The following RBFOX2 variants were observed in gnomAD, a reference collection of about 807,000 sequenced individuals.
RBFOX2 encodes the protein RNA binding fox-1 homolog 2, also known as RNA binding protein fox-1 homolog 2.
Under a neutral mutation model 49.1 loss-of-function variants are expected in RBFOX2, and 10 were observed. The ratio of observed to expected loss-of-function variants is 0.20; its 90% CI spans 0.13 to 0.35. The LOEUF (loss-of-function observed/expected upper bound fraction) is 0.35. Ranked by LOEUF, RBFOX2 falls within the 10% of genes least tolerant of loss-of-function variation. The pLI, the probability that RBFOX2 is intolerant of heterozygous loss-of-function variation, is 1.00. For missense variants in RBFOX2, 323 were observed against 486.9 expected, an observed-to-expected ratio of 0.66 and a Z score of 3.17; for synonymous variants, 183 against 187.4, an observed-to-expected ratio of 0.98 and a Z score of 0.19.
intron 4 of RBFOX2, among the ~76,000 whole-genome samples, chr22:35,770,762 A>G (rs1033851465): frequency 6.6e-6 from 1 of 152,196 alleles, no homozygotes; most frequent in Admixed American, 6.5e-5. Flanking sequence ...GAGCACTGCA[A>G]TTTCACAGTC....
At chr22:35,756,963 G>A (rs1037436811) in intron 9 of RBFOX2, among the ~76,000 whole-genome samples, 11 of 152,024 alleles carry the variant, frequency 7.2e-5, no homozygotes, top group African/African-American at 2.7e-4. Flanking sequence ...GAATTGAAAG[G>A]TGCAGTGGGG....
intron 1 of RBFOX2, chr22:35,897,819 A>G (rs2048047431): frequency 2.7e-6 from 2 of 748,146 alleles, no homozygotes; most frequent in African/African-American, 1.7e-5. Flanking sequence ...TGGCTTCTGG[A>G]AATGTGTCTC....
upstream of RBFOX2, among the ~76,000 whole-genome samples, chr22:35,841,809 A>G (rs113077240): frequency 1.8e-3 from 268 of 152,336 alleles, no homozygotes; most frequent in African/African-American, 6.3e-3. Flanking sequence ...AGAAATCTAA[A>G]TTCAAAATAA....
At chr22:35,904,785 A>G (rs2048947057) in intron 1 of RBFOX2, among the ~76,000 whole-genome samples, 1 of 152,182 alleles carries the variant, frequency 6.6e-6, no homozygotes, top group Non-Finnish European at 1.5e-5. Flanking sequence ...AGTTAACTAG[A>G]GTCTAGAACT....
chr22:35,777,646 C>T (rs1022378810), intron 4 of RBFOX2: 2 of 184,338 alleles, frequency 1.1e-5, no homozygotes, highest in African/African-American at 2.4e-5. Flanking sequence ...TTGAATTGTT[C>T]TGATAGAATT....
At chr22:35,946,522 G>A (rs1242244175) in intron 1 of RBFOX2, among the ~76,000 whole-genome samples, 2 of 152,134 alleles carry the variant, frequency 1.3e-5, no homozygotes, top group African/African-American at 4.8e-5. Flanking sequence ...CGCTTATCTG[G>A]CACAATATTT....
At chr22:35,872,182 T>C (rs1156320454) in intron 1 of RBFOX2, among the ~76,000 whole-genome samples, 1 of 152,172 alleles carries the variant, frequency 6.6e-6, no homozygotes, top group Non-Finnish European at 1.5e-5. Context: ...TGTAAAATGC[T>C]TGGTATTGAA....
chr22:35,999,986 TATA>T (rs1569521278), intron 1 of RBFOX2: 1 of 107,002 alleles, frequency 9.3e-6, no homozygotes, highest in Non-Finnish European at 2.0e-5. Flanking sequence ...ATAAAAGTTA[TATA>T]TATATATATA....
chr22:35,751,058 T>C (rs1318826950), intron 9 of RBFOX2, among the ~76,000 whole-genome samples: 1 of 151,752 alleles, frequency 6.6e-6, no homozygotes, highest in African/African-American at 2.4e-5. Context: ...GACCACATGA[T>C]CTTTCGGCAC....
intron 6 of RBFOX2, among the ~76,000 whole-genome samples, chr22:35,763,886 A>G (rs1052499535): frequency 1.3e-5 from 2 of 152,216 alleles, no homozygotes; most frequent in African/African-American, 4.8e-5. Context: ...TCACGGAGTA[A>G]ATAAAGAGTC....
chr22:35,806,048 C>T (rs1009025735), intron 2 of RBFOX2, among the ~76,000 whole-genome samples: 1 of 152,104 alleles, frequency 6.6e-6, no homozygotes, highest in African/African-American at 2.4e-5. Flanking sequence ...TTTTGTGATG[C>T]TATAATGCTG....
At chr22:35,840,629 T>TGC (rs1026285154), upstream of RBFOX2, 30 of 1,062,794 alleles carry the variant, frequency 2.8e-5, no homozygotes, top group Non-Finnish European at 3.4e-5. Flanking sequence ...TGTGCGTGTG[T>TGC]GCGTGTGTGT....
intron 1 of RBFOX2, among the ~76,000 whole-genome samples, chr22:35,875,607 G>GGTGT (rs56137825): frequency 0.054 from 6,398 of 117,566 alleles, 227 homozygotes; most frequent in Middle Eastern, 0.093. Flanking sequence ...TGCTCACAAG[G>GGTGT]GTGTGTGTGT....
intron 1 of RBFOX2, among the ~76,000 whole-genome samples, chr22:35,977,777 CAT>C (rs1193856201): frequency 7.6e-6 from 1 of 132,210 alleles, no homozygotes; most frequent in Non-Finnish European, 1.6e-5. Flanking sequence ...CACACACACA[CAT>C]ATACATATGT....
intron 1 of RBFOX2, among the ~76,000 whole-genome samples, chr22:35,827,754 A>C (rs1956051095): frequency 6.6e-6 from 1 of 152,218 alleles, no homozygotes; most frequent in Admixed American, 6.5e-5. Flanking sequence ...ACTCCTTGAA[A>C]TGAACTGTTC....
At chr22:35,953,017 C>T (rs1440027230) in intron 1 of RBFOX2, among the ~76,000 whole-genome samples, 1 of 151,922 alleles carries the variant, frequency 6.6e-6, no homozygotes. Context: ...TGAGACCATC[C>T]TGGCTAACAC....
chr22:35,936,133 A>C lies in RBFOX2; in HGVS notation c.-34+2714T>G, dbSNP rs537252789. Among the ~76,000 whole-genome samples, 4 of 148,990 alleles carry C rather than the reference A, an allele frequency of 2.7e-5. No individual in the cohort carries two copies. In the East Asian group the frequency reaches 8.0e-4, roughly 30 times the overall value. On this transcript the variant is annotated intron_variant, in intron 1 of 13. Transcript: ENST00000359369. ...AGGCTGAGGTGGGAGAATCACTTGC[A>C]CCCCAGGGGTCAAGGCTGCAGTGAG...
chr22:36,011,710 C>T (rs920305337), intron 1 of RBFOX2, among the ~76,000 whole-genome samples: 1 of 151,886 alleles, frequency 6.6e-6, no homozygotes, highest in African/African-American at 2.4e-5. Context: ...CTACATTTTG[C>T]ATATTTTGAA....
At chr22:35,807,381 T>A (rs2148056505) in intron 2 of RBFOX2, among the ~76,000 whole-genome samples, 1 of 151,860 alleles carries the variant, frequency 6.6e-6, no homozygotes, top group South Asian at 2.1e-4. Context: ...CTCAATAAAT[T>A]AAAAAAAATT....
Sources: allele counts gnomAD v4.1 joint callset (sites outside exome capture counted in the v4.1 genomes callset), GRCh38; gene constraint gnomAD v4.1.1; transcripts MANE v1.5; gene names NCBI Gene and HGNC (gene_info 2026-07-23, HGNC 2026-07-21).